The following GFRA3 variants were observed in gnomAD, a reference collection of about 807,000 sequenced individuals.
GFRA3 encodes GDNF family receptor alpha 3.
GFRA3 carries 24 observed loss-of-function variants against 40.0 expected under a neutral mutation model. That is an observed-to-expected ratio of 0.60 (90% confidence interval 0.43 to 0.84). The LOEUF is 0.84. Among genes scored for constraint, GFRA3 ranks in the 40% least tolerant of loss-of-function variants. The pLI, the probability that GFRA3 is intolerant of heterozygous loss-of-function variation, is 0.00. For synonymous variants in GFRA3, 203 were observed against 213.5 expected (o/e 0.95, Z 0.43); for missense variants, 405 against 530.6 (o/e 0.76, Z 2.33).
chr5:138,272,917 A>T (rs1056331649), intron 1 of GFRA3, among the ~76,000 whole-genome samples: 9 of 152,176 alleles, frequency 5.9e-5, no homozygotes, highest in African/African-American at 1.4e-4. Flanking sequence ...ATGAGTAGCT[A>T]CAGAATGGGT....
intron 6 of GFRA3, 105 bp downstream of exon 6, chr5:138,253,661 G>T: frequency 1.9e-6 from 2 of 1,044,374 alleles, no homozygotes; most frequent in South Asian, 3.0e-5. Context: ...GCTCTGTTTG[G>T]TGGAGATGGA....
chr5:138,265,934 G>T (rs533475277), intron 1 of GFRA3, among the ~76,000 whole-genome samples: 1 of 151,426 alleles, frequency 6.6e-6, no homozygotes, highest in South Asian at 2.1e-4. Flanking sequence ...GACCTCAGAT[G>T]ATCTGCCTGC....
intron 2 of GFRA3, among the ~76,000 whole-genome samples, chr5:138,263,965 C>T (rs540185182): frequency 1.3e-5 from 2 of 152,184 alleles, no homozygotes; most frequent in Non-Finnish European, 2.9e-5. Context: ...ATCTCCTGTC[C>T]ATACCCGCTG....
chr5:138,260,657 T>C (rs1296390408), intron 2 of GFRA3, among the ~76,000 whole-genome samples: 2 of 151,980 alleles, frequency 1.3e-5, no homozygotes, highest in Non-Finnish European at 1.5e-5. Context: ...TAATCCCAGC[T>C]ACCTGGGAGG....
intron 1 of GFRA3, 25 bp downstream of exon 1, chr5:138,274,309 G>A (rs1755917952): frequency 7.6e-7 from 1 of 1,317,868 alleles, no homozygotes; most frequent in South Asian, 2.8e-5. Flanking sequence ...CTGTACCCCC[G>A]GCCGGTGCGC....
At chr5:138,258,241 C>A (rs548642950) in intron 3 of GFRA3, among the ~76,000 whole-genome samples, 2 of 125,934 alleles carry the variant, frequency 1.6e-5, no homozygotes, top group East Asian at 2.7e-4. Flanking sequence ...AGTGCAATGG[C>A]GTGATCTCGG....
At chr5:138,265,149 T>C (rs915068037) in intron 1 of GFRA3, among the ~76,000 whole-genome samples, 1 of 149,518 alleles carries the variant, frequency 6.7e-6, no homozygotes, top group African/African-American at 2.5e-5. Context: ...GTGCTCAACA[T>C]GGGGTAATAG....
chr5:138,266,244 G>A (rs1484615507), intron 1 of GFRA3, among the ~76,000 whole-genome samples: 2 of 152,002 alleles, frequency 1.3e-5, no homozygotes, highest in South Asian at 4.1e-4. Flanking sequence ...TTGAGGAACC[G>A]CCAAATTGTT....
chr5:138,257,828 T>G lies in GFRA3; in HGVS notation c.596A>C (p.Gln199Pro), dbSNP rs909337529. 8 of 1,613,666 alleles carry G rather than the reference T, an allele frequency of 5.0e-6. No individual in the cohort carries two copies. The African/African-American group carries it at 1.1e-4, about 22-fold the overall frequency. Reference protein sequence around the residue: ...PHCQRHVCLRQLLTFFEKAAE... With the variant: ...PHCQRHVCLRPLLTFFEKAAE... ...GGCCTTCTCGAAGAAAGTGAGCAGC[T>G]GCCTGAGGCAGACGTGGCGCTGGCA... is the stretch of plus-strand genomic sequence containing the variant. Residue 199 changes from glutamine (Q) to proline (P), a missense_variant, in exon 4 of 8, where the codon CAG (glutamine) becomes CCG (proline). Physicochemically the swap from Gln to Pro is moderately conservative, Grantham distance 76. Coordinates refer to ENST00000274721, the MANE Select transcript of GFRA3 (RefSeq NM_001496.4).
intron 1 of GFRA3, among the ~76,000 whole-genome samples, chr5:138,270,205 C>CAA (rs34014240): frequency 0.19 from 13,758 of 72,400 alleles, 928 homozygotes; most frequent in African/African-American, 0.23. Context: ...ACTAAAAATA[C>CAA]AAAAAAAAAA....
rs1755567308 is a variant in GFRA3, at chr5:138,252,815, C to G, written c.*153G>C. On this transcript the variant is annotated 3_prime_UTR_variant, in exon 8 of 8. Transcript: ENST00000274721. ...TGGGGTGGAGGGAATGAGGACTGGA[C>G]CAGTAAGGATCTGGAGGTCATAACC... 1 of 570,104 alleles carries G rather than the reference C, an allele frequency of 1.8e-6. No homozygotes were observed. The highest frequency in any genetic ancestry group is 1.9e-5 in the African/African-American group (1 of 52,902). 35.3% of individuals were successfully genotyped at this position (570,104 alleles called of 1,614,324 possible).
intron 6 of GFRA3, among the ~76,000 whole-genome samples, 176 bp from the exon 7 acceptor site, chr5:138,253,551 G>C (rs1384679209): frequency 2.0e-5 from 3 of 152,156 alleles, no homozygotes; most frequent in Non-Finnish European, 4.4e-5. Context: ...GATGTCCCTG[G>C]GTTCCAGACA....
At chr5:138,268,924 CA>C (rs70979600) in intron 1 of GFRA3, among the ~76,000 whole-genome samples, 153 of 92,368 alleles carry the variant, frequency 1.7e-3, no homozygotes, top group African/African-American at 4.1e-3. Context: ...GACTCCATCT[CA>C]AAAAAAAAAA....
Position 138,270,290 on chromosome 5 carries a change from C to T in GFRA3, c.91+4044G>A, listed in dbSNP as rs372076008. 1.1e-3 allele frequency among the ~76,000 whole-genome samples: 168 copies of T among 148,076 alleles called. No individual in the cohort carries two copies. In the South Asian group the frequency reaches 0.021, roughly 18 times the overall value. On this transcript the variant is annotated intron_variant, in intron 1 of 7. Coordinates refer to ENST00000274721, the MANE Select transcript of GFRA3 (RefSeq NM_001496.4). Reference sequence around the variant, plus strand: ...CGGAGGCTGAGGCAGGAGAATGGCGCGAACCCGGGAGGCGGAGCTTGCAGT... The same window carrying T: ...CGGAGGCTGAGGCAGGAGAATGGCGTGAACCCGGGAGGCGGAGCTTGCAGT...
intron 6 of GFRA3, 24 bp from the exon 7 acceptor site, chr5:138,253,399 T>C (rs375090469): frequency 3.4e-5 from 49 of 1,438,952 alleles, no homozygotes; most frequent in East Asian, 4.6e-5. Context: ...AGAAGGCTCA[T>C]TGGAAGGGTA....
chr5:138,264,693 G>A (rs1755757115), intron 1 of GFRA3, 145 bp from the exon 2 acceptor site: 1 of 605,686 alleles, frequency 1.7e-6, no homozygotes, highest in Admixed American at 3.0e-5. Flanking sequence ...GAATAAGTGT[G>A]GAGAGAGAGA....
intron 6 of GFRA3, 85 bp from the exon 7 acceptor site, chr5:138,253,460 G>A: frequency 1.1e-6 from 1 of 882,460 alleles, no homozygotes. Flanking sequence ...GAATGCCACA[G>A]GGACCCTGGG....
chr5:138,254,077 C>T lies in GFRA3; in HGVS notation c.869G>A (p.Arg290Gln), dbSNP rs367714394. Reference sequence around the variant, plus strand: ...CTCACCAATCAGCCCCAGGTATGCTCGTAGACATCTGGACTGCTCTGTTGC... The same window carrying T: ...CTCACCAATCAGCCCCAGGTATGCTTGTAGACATCTGGACTGCTCTGTTGC... ...TCATEQSRCL[R>Q]AYLGLIGTAM... Residue 290 changes from arginine (R) to glutamine (Q), a missense_variant, in exon 5 of 8, where the codon CGA (arginine) becomes CAA (glutamine). By Grantham distance (43) the Arg-to-Gln change is conservative (BLOSUM62 1). Coordinates refer to ENST00000274721, the MANE Select transcript of GFRA3 (RefSeq NM_001496.4). The T allele has an allele frequency of 3.1e-6, 5 of 1,611,412 alleles. No individual in the cohort carries two copies. The highest frequency in any genetic ancestry group is 1.7e-5 in the Admixed American group (1 of 60,002).
chr5:138,258,574 C>T (rs935316970), intron 3 of GFRA3, among the ~76,000 whole-genome samples: 1 of 152,098 alleles, frequency 6.6e-6, no homozygotes, highest in African/African-American at 2.4e-5. Context: ...TTCAAGCAGC[C>T]AGAAAGCTTA....
Sources: gnomAD v4.1 joint callset for allele counts (sites outside exome capture counted in the v4.1 genomes callset) on GRCh38, gnomAD v4.1.1 for gene constraint, MANE v1.5 for transcripts, NCBI Gene and HGNC (gene_info 2026-07-23, HGNC 2026-07-21) for gene names.